Variants in TELO2 observed in about 807,000 individuals in gnomAD.
TELO2 encodes the protein telomere length regulation protein TEL2 homolog.
TELO2 carries 71 observed loss-of-function variants against 91.0 expected under a neutral mutation model. The ratio of observed to expected loss-of-function variants is 0.78; its 90% CI spans 0.64 to 0.95. The LOEUF (loss-of-function observed/expected upper bound fraction) is 0.95, where lower values mean the gene tolerates loss of function less well. TELO2 is among the 40% of genes least tolerant of loss of function. The pLI is 0.00. For missense variants in TELO2, 1,183 were observed against 1,141.3 expected (o/e 1.04, Z -0.53); for synonymous variants, 584 against 518.9 (o/e 1.13, Z -1.71).
rs1385849782 is a variant in TELO2 at position 1,495,658 on chromosome 16, C to T, written c.613+35C>T. ...TGCCTCGGGGACCCCCTTTGCCACCCGTCTTCTTGGGTCCTCGTCCCCTGC... is the reference window on the plus strand; with the variant it reads ...TGCCTCGGGGACCCCCTTTGCCACCTGTCTTCTTGGGTCCTCGTCCCCTGC... On this transcript the variant is annotated intron_variant, in intron 3 of 20. Coordinates refer to ENST00000262319, the MANE Select transcript of TELO2 (RefSeq NM_016111.4). 3.2e-6 allele frequency: 5 copies of T among 1,551,636 alleles called. No individual in the cohort carries two copies. In the South Asian group the frequency reaches 4.8e-5, roughly 15 times the overall value.
rs755845367 is a variant in TELO2 at position 1,502,414 on chromosome 16, G to A, written c.1653+10G>A. 6.3e-7 allele frequency: 1 copy of A among 1,582,436 alleles called. No homozygotes were observed. The highest frequency in any genetic ancestry group is 1.1e-5 in the South Asian group (1 of 87,328). ...CACAGCCACTCGGGAGGTGAGTGGG[G>A]GGCGGGAGTGGGTGGGGAGGCCCAA... On this transcript the variant is annotated intron_variant, in intron 13 of 20. Coordinates refer to ENST00000262319, the MANE Select transcript of TELO2 (RefSeq NM_016111.4).
At position 1,494,384 on chromosome 16, in the gene TELO2, C is replaced by G. The variant is rs2039404095; in HGVS notation, c.103C>G (p.Leu35Val). ...GGHIFCTLES[L>V]KRYLGEMEPP... ...CCACATCTTCTGCACCCTGGAGTCCCTGAAGCGGTATCTCGGTGAGATGGA... is the reference window on the plus strand; with the variant it reads ...CCACATCTTCTGCACCCTGGAGTCCGTGAAGCGGTATCTCGGTGAGATGGA... The change falls in exon 2 of 21, where the codon CTG (leucine) becomes GTG (valine). Residue 35 changes from leucine to valine, a missense_variant. Transcript: ENST00000262319. The surrounding 1 kb of genome is among the most constrained non-coding windows in gnomAD (Gnocchi z 5.6). 5 of 1,613,618 alleles carry G rather than the reference C, an allele frequency of 3.1e-6. No homozygotes were observed. The highest frequency in any genetic ancestry group is 3.4e-6 in the Non-Finnish European group (4 of 1,180,020).
Position 1,505,202 on chromosome 16 carries a change from A to G in TELO2, c.1843-208A>G, listed in dbSNP as rs1596267581. On this transcript the variant is annotated intron_variant, in intron 15 of 20. Transcript: ENST00000262319. The surrounding 1 kb of genome is among the most constrained non-coding windows in gnomAD (Gnocchi z 4.3). ...TGGGCGTGTTCTCATCTCCTGGAGC[A>G]CGGTGCCCACCTTCCCCACCTTCCC... The G allele has an allele frequency of 1.7e-6, 1 of 590,732 alleles. No homozygotes were observed. The highest frequency in any genetic ancestry group is 2.8e-5 in the East Asian group (1 of 35,356). 36.6% of individuals were successfully genotyped at this position (590,732 alleles called of 1,614,324 possible).
At chr16:1,499,980 G>A (rs1280005705) in intron 6 of TELO2, 116 bp from the exon 7 acceptor site, 2 of 1,241,660 alleles carry the variant, frequency 1.6e-6, no homozygotes, top group African/African-American at 3.0e-5. Flanking sequence ...CCCCATGCTT[G>A]TCCGTCTGCT....
chr16:1,501,405 G>A lies in TELO2; in HGVS notation c.1282-15G>A, dbSNP rs761036392. On this transcript the variant is annotated splice_polypyrimidine_tract_variant and intron_variant, in intron 9 of 20. Coordinates refer to ENST00000262319, the MANE Select transcript of TELO2 (RefSeq NM_016111.4). ...CAGCCTGGCGGATGCCGCTGAGCCT[G>A]CTCCCCTGCTGTAGTACGAAGAGGA... is the stretch of plus-strand genomic sequence containing the variant. 7.4e-6 allele frequency: 12 copies of A among 1,611,428 alleles called. No homozygotes were observed. The East Asian group carries it at 8.9e-5, about 12-fold the overall frequency.
At chr16:1,502,273 A>G in intron 12 of TELO2, 40 bp from the exon 13 acceptor site, 2 of 1,571,254 alleles carry the variant, frequency 1.3e-6, no homozygotes, top group East Asian at 4.6e-5. Flanking sequence ...GTTCAGGGTC[A>G]GGGCTGAGGC....
chr16:1,508,455 C>T (rs939288531), intron 20 of TELO2, among the ~76,000 whole-genome samples: 1 of 152,222 alleles, frequency 6.6e-6, no homozygotes, highest in African/African-American at 2.4e-5. Context: ...TTGTTGTTTG[C>T]TGGCCTTTGT....
At chr16:1,504,205 C>T (rs1197659297) in intron 15 of TELO2, among the ~76,000 whole-genome samples, 4 of 150,940 alleles carry the variant, frequency 2.7e-5, no homozygotes, top group Admixed American at 1.3e-4. Flanking sequence ...GAGGCTAAGC[C>T]GGGCGGATCA....
Position 1,507,058 on chromosome 16 carries a change from C to G in TELO2, c.2226+7C>G, listed in dbSNP as rs773496611. Reference sequence around the variant, plus strand: ...CCTGGCTGTTAACACCACGGTGAGCCGGGAGAGGTCGCCGGGCGCCGGCCT... The same window carrying G: ...CCTGGCTGTTAACACCACGGTGAGCGGGGAGAGGTCGCCGGGCGCCGGCCT... On this transcript the variant is annotated splice_region_variant and intron_variant, in intron 18 of 20. Transcript: ENST00000262319. 1.5e-5 allele frequency: 24 copies of G among 1,599,866 alleles called. No homozygotes were observed. Among genetic ancestry groups the G allele is most frequent in the Non-Finnish European group, 1.8e-5 (21 of 1,173,442 alleles).
intron 20 of TELO2, among the ~76,000 whole-genome samples, chr16:1,508,593 G>A (rs2039994437): frequency 6.6e-6 from 1 of 152,150 alleles, no homozygotes; most frequent in Non-Finnish European, 1.5e-5. Flanking sequence ...CCTCTGTGCT[G>A]GGGGGCGCTG....
chr16:1,503,858 G>A (rs1438234782), intron 15 of TELO2, among the ~76,000 whole-genome samples: 1 of 152,068 alleles, frequency 6.6e-6, no homozygotes, highest in Non-Finnish European at 1.5e-5. Flanking sequence ...CGGGCTGGGC[G>A]CGGCGGCTCA....
intron 16 of TELO2, 88 bp from the exon 17 acceptor site, chr16:1,506,150 G>A (rs904866463): frequency 6.9e-6 from 10 of 1,449,650 alleles, no homozygotes; most frequent in Admixed American, 3.4e-5. Flanking sequence ...TGAGGTCCAC[G>A]CTGCTTTGTG....
Position 1,506,995 on chromosome 16 carries a change from C to T in TELO2, c.2170C>T (p.Leu724Phe). 3 of 1,612,250 alleles carry T rather than the reference C, an allele frequency of 1.9e-6. No individual in the cohort carries two copies. The highest frequency in any genetic ancestry group is 3.3e-4 in the Middle Eastern group (2 of 6,048). The change falls in exon 18 of 21, where the codon CTC (leucine) becomes TTC (phenylalanine). Residue 724 changes from leucine (L) to phenylalanine (F), a missense_variant. Transcript: ENST00000262319. ...CCTCTTGGGAGAAGACCAGCTGGTT[C>T]TCGGAAGGCTGGCGCACACCTTAGG... ...FDLLGEDQLV[L>F]GRLAHTLGAL...
chr16:1,506,373 C>T (rs576618532), intron 17 of TELO2, 44 bp downstream of exon 17: 3 of 1,613,032 alleles, frequency 1.9e-6, no homozygotes, highest in South Asian at 2.2e-5. Context: ...GGGACAGGGA[C>T]CCTGGACGTA....
intron 11 of TELO2, 130 bp downstream of exon 11, chr16:1,501,903 G>C: frequency 2.8e-6 from 4 of 1,434,158 alleles, no homozygotes; most frequent in Non-Finnish European, 3.9e-6. Flanking sequence ...CTCATGTGAG[G>C]GCCCGCAGCT....
Position 1,510,302 on chromosome 16 carries a change from G to T in TELO2, c.*366G>T, listed in dbSNP as rs117559520. ...CCTCTGAGAGCCACCAAGCAGGACA[G>T]AGCAGCTCTTGTCCCAGGTCCCTCG... On this transcript the variant is annotated 3_prime_UTR_variant, in exon 21 of 21. Transcript: ENST00000262319. The T allele has an allele frequency of 0.033, 9,994 of 302,714 alleles. 225 individuals carry two copies. The highest frequency in any genetic ancestry group is 0.046 in the Non-Finnish European group (7,187 of 157,896). 18.8% of individuals were successfully genotyped at this position (302,714 alleles called of 1,614,324 possible).
intron 5 of TELO2, among the ~76,000 whole-genome samples, chr16:1,498,623 G>A (rs532076103): frequency 3.3e-5 from 5 of 152,062 alleles, no homozygotes; most frequent in Admixed American, 1.3e-4. Flanking sequence ...TTTTTGTAGC[G>A]ACGGGGCTCA....
Position 1,505,297 on chromosome 16 carries a change from C to A in TELO2, c.1843-113C>A. ...TCTCCTTGTTCCCAGAACACACCTT[C>A]TCCCAGGCTGGGCGGGCCCCCGGGC... On this transcript the variant is annotated intron_variant, in intron 15 of 20. Coordinates refer to ENST00000262319, the MANE Select transcript of TELO2 (RefSeq NM_016111.4). The surrounding 1 kb of genome is among the most constrained non-coding windows in gnomAD (Gnocchi z 4.3). 1 of 1,268,582 alleles carries A rather than the reference C, an allele frequency of 7.9e-7. No individual in the cohort carries two copies. The highest frequency in any genetic ancestry group is 1.1e-6 in the Non-Finnish European group (1 of 927,496). 78.6% of individuals were successfully genotyped at this position (1,268,582 alleles called of 1,614,324 possible). A position where few individuals can be genotyped will look rare whatever the true frequency, so the allele number is the denominator to read the frequency against.
chr16:1,499,214 CT>C lies in TELO2; in HGVS notation c.831-16del, dbSNP rs1418702328. On this transcript the variant is annotated splice_polypyrimidine_tract_variant and intron_variant, in intron 5 of 20. Coordinates refer to ENST00000262319, the MANE Select transcript of TELO2 (RefSeq NM_016111.4). The stretch of plus-strand genomic sequence containing the variant: ...CCAGGCCGGCTTGCAGCTCTGGCCC[CT>C]GACTCTGTCTTGCAGGCCTGAGGTC... 6.2e-7 allele frequency: 1 copy of C among 1,613,596 alleles called. No homozygotes were observed. Among genetic ancestry groups the C allele is most frequent in the Non-Finnish European group, 8.5e-7 (1 of 1,179,896 alleles).
Sources: allele counts gnomAD v4.1 joint callset (sites outside exome capture counted in the v4.1 genomes callset), GRCh38; gene constraint gnomAD v4.1.1; non-coding constraint Gnocchi (gnomAD v3.1); transcripts MANE v1.5; gene names NCBI Gene and HGNC (gene_info 2026-07-23, HGNC 2026-07-21).